The following MOK variants were observed in gnomAD, a reference collection of about 807,000 sequenced individuals.
MOK encodes MOK protein kinase, also known as MAPK/MAK/MRK overlapping kinase.
MOK carries 59 observed loss-of-function variants against 54.2 expected under a neutral mutation model. The observed-to-expected ratio is 1.09, with a 90% CI of 0.88 to 1.35. The LOEUF (loss-of-function observed/expected upper bound fraction) is 1.35. Ranked by LOEUF, MOK falls within the 40% of genes most tolerant of loss-of-function variation. The pLI is 0.00. For missense variants in MOK, 517 were observed against 526.2 expected, an observed-to-expected ratio of 0.98 and a Z score of 0.17; for synonymous variants, 210 against 202.7, an observed-to-expected ratio of 1.04 and a Z score of -0.31.
chr14:102,260,162 G>A (rs1470615199), intron 4 of MOK, among the ~76,000 whole-genome samples: 2 of 137,814 alleles, frequency 1.5e-5, no homozygotes, highest in African/African-American at 5.4e-5. Context: ...GGCAAAAAGA[G>A]CAAAACTCCA....
downstream of MOK, among the ~76,000 whole-genome samples, chr14:102,227,518 A>G (rs1310757202): frequency 6.6e-6 from 1 of 152,112 alleles, no homozygotes; most frequent in African/African-American, 2.4e-5. Flanking sequence ...CAGGGTCTCA[A>G]ATGGGTTTAA....
At chr14:102,219,101 C>CT in the MOK span, among the ~76,000 whole-genome samples, 3 of 152,224 alleles carry the variant, frequency 2.0e-5, no homozygotes, top group Non-Finnish European at 2.9e-5. Flanking sequence ...ACGCTGTGCT[C>CT]TCGAGGGAAG....
intron 4 of MOK, among the ~76,000 whole-genome samples, chr14:102,257,561 C>A (rs1334299814): frequency 6.6e-6 from 1 of 152,202 alleles, no homozygotes; most frequent in Non-Finnish European, 1.5e-5. Context: ...ACCTACAGCA[C>A]ATTTATTCTT....
rs2066331358 is a variant in MOK, at chr14:102,249,104, T to TCACCACACGGAACACG, written c.590+1707_590+1708insCGTGTTCCGTGTGGTG. Reference sequence around the variant, plus strand: ...CTCAGCCTGGCGTGTGCAGCGACCTTAGCTGCTGGGAGGCTCCACTCTCCC... The same window carrying TCACCACACGGAACACG: ...CTCAGCCTGGCGTGTGCAGCGACCTTCACCACACGGAACACGAGCTGCTGGGAGGCTCCACTCTCCC... On this transcript the variant is annotated intron_variant, in intron 7 of 11. Coordinates refer to ENST00000361847, the MANE Select transcript of MOK (RefSeq NM_014226.3). The surrounding 1 kb of genome is among the most constrained non-coding windows in gnomAD (Gnocchi z 5.3). 6.6e-6 allele frequency among the ~76,000 whole-genome samples: 1 copy of TCACCACACGGAACACG among 152,014 alleles called. No homozygotes were observed. Among genetic ancestry groups the TCACCACACGGAACACG allele is most frequent in the African/African-American group, 2.4e-5 (1 of 41,392 alleles).
chr14:102,269,116 C>CATG (rs925628598), intron 2 of MOK, among the ~76,000 whole-genome samples: 3 of 151,352 alleles, frequency 2.0e-5, no homozygotes, highest in African/African-American at 7.3e-5. Context: ...CTTATGATTT[C>CATG]ATGATGATAA....
At chr14:102,219,268 T>C in the MOK span, among the ~76,000 whole-genome samples, 1 of 152,218 alleles carries the variant, frequency 6.6e-6, no homozygotes, top group Non-Finnish European at 1.5e-5. Flanking sequence ...TCCTGTTGCC[T>C]CCAGTGTTCA....
At chr14:102,280,234 G>A (rs1408676427) in intron 2 of MOK, among the ~76,000 whole-genome samples, 1 of 151,694 alleles carries the variant, frequency 6.6e-6, no homozygotes, top group Non-Finnish European at 1.5e-5. Flanking sequence ...AGTGAGACAG[G>A]GTCTCACTCT....
rs560385681 is a variant in MOK, at chr14:102,281,608, G to A, written c.122+1870C>T. On this transcript the variant is annotated intron_variant, in intron 2 of 11. Coordinates refer to ENST00000361847, the MANE Select transcript of MOK (RefSeq NM_014226.3). ...TGTTTAAGGAAGTCTGTTTTTTTGT[G>A]TTTTTTTTTTAATTTTTGTAGAGAT... 5.1e-5 allele frequency among the ~76,000 whole-genome samples: 4 copies of A among 78,488 alleles called. 1 individual carries two copies. The South Asian group carries it at 1.4e-3, about 28-fold the overall frequency. 51.5% of individuals were successfully genotyped at this position (78,488 alleles called of 152,430 possible). A position where few individuals can be genotyped will look rare whatever the true frequency, so the allele number is the denominator to read the frequency against.
intron 8 of MOK, 169 bp downstream of exon 8, chr14:102,233,519 G>T: frequency 1.7e-6 from 1 of 598,306 alleles, no homozygotes. Flanking sequence ...TTAAAGTGAT[G>T]GGCTCTGTCT....
intron 7 of MOK, among the ~76,000 whole-genome samples, chr14:102,248,147 G>A (rs1458795168): frequency 2.0e-5 from 3 of 152,172 alleles, no homozygotes; most frequent in Non-Finnish European, 4.4e-5. Context: ...CCTATTAAAG[G>A]GCTGGAATGT....
At chr14:102,302,820 G>T (rs1317201544) in intron 1 of MOK, among the ~76,000 whole-genome samples, 2 of 151,464 alleles carry the variant, frequency 1.3e-5, no homozygotes, top group South Asian at 2.1e-4. Context: ...TATATATAGA[G>T]AGAGTAAATT....
chr14:102,298,435 A>G (rs1320249338), intron 1 of MOK, among the ~76,000 whole-genome samples: 1 of 151,658 alleles, frequency 6.6e-6, no homozygotes, highest in East Asian at 1.9e-4. Context: ...ATCTAGCTCA[A>G]AGTTTGTAAA....
intron 1 of MOK, among the ~76,000 whole-genome samples, chr14:102,296,530 C>T (rs1203925271): frequency 6.6e-6 from 1 of 152,192 alleles, no homozygotes; most frequent in African/African-American, 2.4e-5. Flanking sequence ...CTGAGGCTAA[C>T]TCAAAACCTT....
intron 1 of MOK, among the ~76,000 whole-genome samples, chr14:102,299,325 C>T (rs547817130): frequency 6.6e-6 from 1 of 152,112 alleles, no homozygotes; most frequent in African/African-American, 2.4e-5. Context: ...ACCAACCTGG[C>T]CAACATGGTG....
At chr14:102,286,744 G>A (rs988327256) in intron 1 of MOK, among the ~76,000 whole-genome samples, 1 of 151,918 alleles carries the variant, frequency 6.6e-6, no homozygotes, top group African/African-American at 2.4e-5. Flanking sequence ...CCTGTATAAC[G>A]GAATATACTG....
chr14:102,214,874 G>GT, the MOK span: 17,968 of 594,538 alleles, frequency 0.03, no homozygotes, highest in Non-Finnish European at 0.034. Context: ...TCACTGCTTT[G>GT]TTTTTTTTTT....
At chr14:102,298,729 C>T (rs1420674252) in intron 1 of MOK, among the ~76,000 whole-genome samples, 1 of 152,184 alleles carries the variant, frequency 6.6e-6, no homozygotes, top group Non-Finnish European at 1.5e-5. Flanking sequence ...AGTCCCCTTC[C>T]ACAATGTGGA....
rs577701399 is a variant in MOK, at chr14:102,234,014, C to T, written c.591-225G>A. On this transcript the variant is annotated intron_variant, in intron 7 of 11. Coordinates refer to ENST00000361847, the MANE Select transcript of MOK (RefSeq NM_014226.3). ...AAACAACCCCGGGATGTGACCATAC[C>T]GAAGAACTCCCTCAAACTCCCTTCC... 8 of 469,874 alleles carry T rather than the reference C, an allele frequency of 1.7e-5. No homozygotes were observed. The Admixed American group carries it at 2.3e-4, about 13-fold the overall frequency. The allele number at this position is 469,874 out of a possible 1,614,324, so 29.1% of individuals were successfully genotyped here.
intron 1 of MOK, among the ~76,000 whole-genome samples, chr14:102,294,010 C>T (rs575245273): frequency 4.9e-4 from 74 of 151,756 alleles, no homozygotes; most frequent in African/African-American, 1.4e-3. Context: ...ATAAAGATCA[C>T]GGGAAGGGGC....
Sources: allele counts gnomAD v4.1 joint callset (sites outside exome capture counted in the v4.1 genomes callset), GRCh38; gene constraint gnomAD v4.1.1; non-coding constraint Gnocchi (gnomAD v3.1); transcripts MANE v1.5; gene names NCBI Gene and HGNC (gene_info 2026-07-23, HGNC 2026-07-21).